GALNTL6: variants seen among roughly 807,000 people sequenced by gnomAD.
GALNTL6 encodes polypeptide N-acetylgalactosaminyltransferase like 6.
Under a neutral mutation model 73.7 loss-of-function variants are expected in GALNTL6, and 46 were observed. That is an observed-to-expected ratio of 0.62 (90% CI 0.49 to 0.80). GALNTL6 has a LOEUF of 0.80. Among genes scored for constraint, GALNTL6 ranks in the 30% least tolerant of loss-of-function variants. GALNTL6 has a pLI of 0.00. For missense variants in GALNTL6, 604 were observed against 755.0 expected, an observed-to-expected ratio of 0.80 and a Z score of 2.34; for synonymous variants, 259 against 263.7, an observed-to-expected ratio of 0.98 and a Z score of 0.17.
intron 5 of GALNTL6, among the ~76,000 whole-genome samples, chr4:172,802,665 T>C (rs192351523): frequency 9.2e-4 from 140 of 152,216 alleles, no homozygotes; most frequent in Non-Finnish European, 1.8e-3. Flanking sequence ...TAGCCAGGCA[T>C]GGTGGTGCAT....
intron 2 of GALNTL6, among the ~76,000 whole-genome samples, chr4:172,229,053 G>A (rs1231472944): frequency 1.3e-5 from 2 of 152,176 alleles, no homozygotes; most frequent in East Asian, 3.8e-4. Flanking sequence ...ACTGGTCCAA[G>A]TCCTGGCTCT....
intron 2 of GALNTL6, among the ~76,000 whole-genome samples, chr4:172,177,753 ATGTGTG>A (rs1326998430): frequency 1.4e-5 from 2 of 137,962 alleles, no homozygotes; most frequent in African/African-American, 3.1e-5. Context: ...GTGTATATAT[ATGTGTG>A]TATATATATG....
At chr4:172,803,699 C>CT (rs1478771279) in intron 5 of GALNTL6, among the ~76,000 whole-genome samples, 2 of 152,060 alleles carry the variant, frequency 1.3e-5, no homozygotes. Flanking sequence ...CATTCTAATT[C>CT]TTTTTTTCTT....
intron 5 of GALNTL6, among the ~76,000 whole-genome samples, chr4:172,785,552 A>AC (rs1739605666): frequency 6.6e-6 from 1 of 152,142 alleles, no homozygotes; most frequent in East Asian, 1.9e-4. Flanking sequence ...GCATAAAAAA[A>AC]GTCCTGCTCT....
rs572667536 is a variant in GALNTL6 at position 172,327,582 on chromosome 4, T to C, written c.386+15830T>C. 9.9e-5 allele frequency among the ~76,000 whole-genome samples: 15 copies of C among 152,262 alleles called. No homozygotes were observed. In the South Asian group the frequency reaches 3.1e-3, roughly 32 times the overall value. On this transcript the variant is annotated intron_variant, in intron 4 of 12. Coordinates refer to ENST00000506823, the MANE Select transcript of GALNTL6 (RefSeq NM_001034845.3). ...TTTATGAGTCTGGGTGCTCCTGTGT[T>C]GAGTGTATATATATTTGGGATACTT... is the stretch of plus-strand genomic sequence containing the variant.
intron 5 of GALNTL6, among the ~76,000 whole-genome samples, chr4:172,442,695 T>G (rs895694869): frequency 2.0e-5 from 3 of 152,140 alleles, no homozygotes; most frequent in African/African-American, 7.2e-5. Flanking sequence ...AGTCCATCCA[T>G]TCAGTTACCG....
At chr4:171,981,590 G>A (rs962924579) in intron 2 of GALNTL6, among the ~76,000 whole-genome samples, 3 of 152,092 alleles carry the variant, frequency 2.0e-5, no homozygotes, top group Non-Finnish European at 4.4e-5. Context: ...TGATTTGGGG[G>A]TCTGAGTTTT....
intron 2 of GALNTL6, among the ~76,000 whole-genome samples, chr4:172,200,073 A>C (rs1273015189): frequency 6.6e-6 from 1 of 152,196 alleles, no homozygotes; most frequent in East Asian, 1.9e-4. Context: ...GGGGAAATGC[A>C]ATCACTAGCT....
At chr4:171,885,146 T>C (rs1318007371) in intron 2 of GALNTL6, among the ~76,000 whole-genome samples, 3 of 151,958 alleles carry the variant, frequency 2.0e-5, no homozygotes, top group Non-Finnish European at 4.4e-5. Flanking sequence ...TGTGTATAAT[T>C]ACATGGTCTC....
intron 5 of GALNTL6, among the ~76,000 whole-genome samples, chr4:172,653,079 A>G (rs143530331): frequency 2.6e-5 from 4 of 152,094 alleles, no homozygotes; most frequent in African/African-American, 9.6e-5. Flanking sequence ...CTTTTCCACC[A>G]GATCCAGTGG....
intron 5 of GALNTL6, among the ~76,000 whole-genome samples, chr4:172,624,607 A>AT (rs1387325949): frequency 2.0e-5 from 3 of 152,018 alleles, no homozygotes; most frequent in Non-Finnish European, 4.4e-5. Flanking sequence ...ATGAAAAGGC[A>AT]TTTTTTACAG....
intron 2 of GALNTL6, among the ~76,000 whole-genome samples, chr4:172,145,835 C>A (rs1733913171): frequency 6.6e-6 from 1 of 151,998 alleles, no homozygotes; most frequent in Non-Finnish European, 1.5e-5. Context: ...AAGAAAAACA[C>A]ACAAAATTAA....
intron 5 of GALNTL6, among the ~76,000 whole-genome samples, chr4:172,520,094 A>G (rs991818472): frequency 1.3e-5 from 2 of 151,984 alleles, no homozygotes; most frequent in Non-Finnish European, 2.9e-5. Flanking sequence ...ATAAATCTAA[A>G]GCAATTTCAG....
At chr4:171,914,216 C>T (rs1028891878) in intron 2 of GALNTL6, among the ~76,000 whole-genome samples, 4 of 152,018 alleles carry the variant, frequency 2.6e-5, no homozygotes, top group African/African-American at 9.7e-5. Flanking sequence ...GGGTTGTTTG[C>T]CCAGGAAAGT....
At chr4:172,737,781 C>A (rs935303623) in intron 5 of GALNTL6, among the ~76,000 whole-genome samples, 3 of 152,184 alleles carry the variant, frequency 2.0e-5, no homozygotes, top group African/African-American at 7.2e-5. Context: ...CTTAGCAATT[C>A]TTTACTAGTG....
chr4:172,664,644 C>G (rs933303758), intron 5 of GALNTL6, among the ~76,000 whole-genome samples: 3 of 152,186 alleles, frequency 2.0e-5, no homozygotes, highest in Non-Finnish European at 2.9e-5. Context: ...AGAATTCATA[C>G]TTGCTGCAAG....
chr4:171,938,096 A>AT (rs1738409060), intron 2 of GALNTL6, among the ~76,000 whole-genome samples: 2 of 152,020 alleles, frequency 1.3e-5, no homozygotes, highest in South Asian at 2.1e-4. Context: ...GAACAGTTGG[A>AT]TTTTTTCTTT....
In GALNTL6 at chr4:171,961,644, CTGT is replaced by C. The variant is rs145979108; in HGVS notation, c.138+146928_138+146930del. On this transcript the variant is annotated intron_variant, in intron 2 of 12. Transcript: ENST00000506823. Reference sequence around the variant, plus strand: ...ATTATGTTTCAAAACTATGGTACACCTGTTATTAGATTTCAGTTTCATCAGTTG... The same window carrying C: ...ATTATGTTTCAAAACTATGGTACACCTATTAGATTTCAGTTTCATCAGTTG... Among the ~76,000 whole-genome samples, 1,083 of 152,146 alleles carry C rather than the reference CTGT, an allele frequency of 7.1e-3. 14 individuals carry two copies. The highest frequency in any genetic ancestry group is 0.024 in the African/African-American group (1,007 of 41,480).
At chr4:171,839,882 T>C (rs1215083174) in intron 2 of GALNTL6, among the ~76,000 whole-genome samples, 1 of 152,158 alleles carries the variant, frequency 6.6e-6, no homozygotes, top group East Asian at 1.9e-4. Context: ...TTCATGAGTC[T>C]AAGAGACTTT....
Sources: gnomAD v4.1 joint callset for allele counts (sites outside exome capture counted in the v4.1 genomes callset) on GRCh38, gnomAD v4.1.1 for gene constraint, MANE v1.5 for transcripts, NCBI Gene and HGNC (gene_info 2026-07-23, HGNC 2026-07-21) for gene names.